The following GLYATL2 variants were observed in gnomAD, a reference collection of about 807,000 sequenced individuals.
GLYATL2 encodes glycine N-acyltransferase-like protein 2.
GLYATL2 carries 25 observed loss-of-function variants against 21.4 expected under a neutral mutation model. That is an observed-to-expected ratio of 1.17 (90% CI 0.85 to 1.63). GLYATL2 has a LOEUF of 1.63. Ranked by LOEUF, GLYATL2 falls within the 40% of genes most tolerant of loss-of-function variation. GLYATL2 has a pLI of 0.00. For missense variants in GLYATL2, 361 were observed against 343.3 expected (o/e 1.05, Z -0.41); for synonymous variants, 114 against 118.2 (o/e 0.96, Z 0.23).
At chr11:58,863,313 ATGAGCCTGGAATCTGAGTCCATGGGGAC>A (rs1853965378) in intron 1 of GLYATL2, among the ~76,000 whole-genome samples, 1 of 152,156 alleles carries the variant, frequency 6.6e-6, no homozygotes, top group Non-Finnish European at 1.5e-5. Context: ...GCCTACTGGG[ATGAGCCTGGAATCTGAGTCCATGGGGAC>A]TGGCCTGGAA....
chr11:58,841,208 A>C (rs1853545283), intron 1 of GLYATL2, among the ~76,000 whole-genome samples: 1 of 152,180 alleles, frequency 6.6e-6, no homozygotes, highest in Admixed American at 6.5e-5. Flanking sequence ...AGTAAATATG[A>C]CATCTATGTA....
In GLYATL2 at chr11:58,837,260, A is replaced by G; in HGVS notation, c.313+11T>C. 1 of 1,613,530 alleles carries G rather than the reference A, an allele frequency of 6.2e-7. No homozygotes were observed. Among genetic ancestry groups the G allele is most frequent in the Non-Finnish European group, 8.5e-7 (1 of 1,179,746 alleles). On this transcript the variant is annotated intron_variant, in intron 4 of 5. Transcript: ENST00000287275. ...ACCATGGATCTTTTTCTTTTAACTC[A>G]GACTAGTTACCTTGGATCTGCAAAG...
chr11:58,901,462 AAAAC>A lies in GLYATL2; in HGVS notation n.60+2690_60+2693del, dbSNP rs926667565. Among the ~76,000 whole-genome samples, 133 of 152,268 alleles carry A rather than the reference AAAAC, an allele frequency of 8.7e-4. 1 individual carries two copies. Among genetic ancestry groups the A allele is most frequent in the African/African-American group, 3.1e-3 (127 of 41,552 alleles). On this transcript the variant is annotated intron_variant and non_coding_transcript_variant, in intron 1 of 4. Transcript: ENST00000533636. ...TATTTGGGTTCCCAGAATCCCCATT[AAAAC>A]AAACAAACAAACAAACAAAACACCT...
At chr11:58,873,894 C>T (rs924211159) in intron 1 of GLYATL2, among the ~76,000 whole-genome samples, 16 of 152,008 alleles carry the variant, frequency 1.1e-4, no homozygotes, top group African/African-American at 2.4e-4. Flanking sequence ...TGGTAGAATT[C>T]GGCTGTGAAT....
At chr11:58,846,138 T>C (rs1853638487), upstream of GLYATL2, among the ~76,000 whole-genome samples, 1 of 152,330 alleles carries the variant, frequency 6.6e-6, no homozygotes, top group South Asian at 2.1e-4. Flanking sequence ...ACATATGTTT[T>C]ATTCCATAAT....
rs747928053 is a variant in GLYATL2 at position 58,837,407 on chromosome 11, C to A, written c.187-10G>T. 1.9e-6 allele frequency: 3 copies of A among 1,606,886 alleles called. No individual in the cohort carries two copies. The highest frequency in any genetic ancestry group is 2.6e-6 in the Non-Finnish European group (3 of 1,173,910). On this transcript the variant is annotated splice_polypyrimidine_tract_variant and intron_variant, in intron 3 of 5. Coordinates refer to ENST00000287275, the MANE Select transcript of GLYATL2 (RefSeq NM_145016.4). ...GGTCATCTTTCATCTCCTGATATAA[C>A]AAATATCAATTATATTTACATAGCG... is the stretch of plus-strand genomic sequence containing the variant.
intron 1 of GLYATL2, among the ~76,000 whole-genome samples, chr11:58,881,517 T>G (rs1484248163): frequency 6.6e-6 from 1 of 152,192 alleles, no homozygotes; most frequent in East Asian, 1.9e-4. Context: ...TATTTGGCCC[T>G]AAGAAACTAA....
chr11:58,862,194 C>A (rs1853944750), intron 1 of GLYATL2, among the ~76,000 whole-genome samples: 1 of 152,076 alleles, frequency 6.6e-6, no homozygotes, highest in Admixed American at 6.5e-5. Flanking sequence ...TATTGGAACT[C>A]CCTTATATGT....
At chr11:58,893,816 A>G (rs1381337691) in intron 1 of GLYATL2, among the ~76,000 whole-genome samples, 1 of 152,194 alleles carries the variant, frequency 6.6e-6, no homozygotes, top group Non-Finnish European at 1.5e-5. Flanking sequence ...TAAATGAAGG[A>G]CTTTAATAAA....
chr11:58,907,385 G>C (rs1159571956), upstream of GLYATL2: 1 of 456,282 alleles, frequency 2.2e-6, no homozygotes. Context: ...GTCTGCTGGA[G>C]TGGAATTTAG....
At chr11:58,855,668 G>T (rs2033067861) in intron 1 of GLYATL2, among the ~76,000 whole-genome samples, 1 of 152,220 alleles carries the variant, frequency 6.6e-6, no homozygotes, top group Non-Finnish European at 1.5e-5. Context: ...TTCCAGCTCT[G>T]AAAGTCCTTG....
At chr11:58,853,243 T>C (rs1853772227) in intron 1 of GLYATL2, among the ~76,000 whole-genome samples, 1 of 152,226 alleles carries the variant, frequency 6.6e-6, no homozygotes, top group African/African-American at 2.4e-5. Context: ...AATTGACCCT[T>C]GAACAACATA....
At chr11:58,882,889 T>G (rs1854366126) in intron 1 of GLYATL2, among the ~76,000 whole-genome samples, 1 of 152,236 alleles carries the variant, frequency 6.6e-6, no homozygotes, top group Admixed American at 6.5e-5. Context: ...TGGTATTATT[T>G]CTGAAGGCTC....
At chr11:58,901,204 G>A (rs1156445485) in intron 1 of GLYATL2, among the ~76,000 whole-genome samples, 2 of 152,146 alleles carry the variant, frequency 1.3e-5, no homozygotes, top group Non-Finnish European at 1.5e-5. Context: ...CGGTTGACCA[G>A]CTGAACGGAC....
intron 1 of GLYATL2, among the ~76,000 whole-genome samples, chr11:58,841,603 T>A (rs1166637706): frequency 1.3e-5 from 2 of 152,320 alleles, no homozygotes; most frequent in East Asian, 3.9e-4. Flanking sequence ...GGACTACATG[T>A]AACTTGCTTG....
At chr11:58,847,745 G>A (rs1310030717), upstream of GLYATL2, among the ~76,000 whole-genome samples, 1 of 152,170 alleles carries the variant, frequency 6.6e-6, no homozygotes, top group Non-Finnish European at 1.5e-5. Context: ...CTGTATCTCA[G>A]GGCCTGAGGA....
intron 1 of GLYATL2, among the ~76,000 whole-genome samples, chr11:58,883,350 A>G (rs184306032): frequency 1.4e-3 from 208 of 152,374 alleles, no homozygotes; most frequent in Non-Finnish European, 2.7e-3. Flanking sequence ...AAGAAAGAAG[A>G]ATCAAATAGA....
chr11:58,871,947 T>C (rs1437287372), intron 1 of GLYATL2, among the ~76,000 whole-genome samples: 2 of 152,202 alleles, frequency 1.3e-5, no homozygotes, highest in Non-Finnish European at 2.9e-5. Flanking sequence ...CAGCACCTGT[T>C]GTTTCCTGAC....
chr11:58,852,746 A>G (rs1160717346), intron 1 of GLYATL2, among the ~76,000 whole-genome samples: 4 of 152,214 alleles, frequency 2.6e-5, no homozygotes, highest in Non-Finnish European at 4.4e-5. Context: ...TTGTTGATCT[A>G]GAAGTCTCTT....
Sources: allele counts gnomAD v4.1 joint callset (sites outside exome capture counted in the v4.1 genomes callset), GRCh38; gene constraint gnomAD v4.1.1; transcripts MANE v1.5; gene names NCBI Gene and HGNC (gene_info 2026-07-23, HGNC 2026-07-21).